The following CLASP1 variants were observed in gnomAD, a reference collection of about 807,000 sequenced individuals.
CLASP1 encodes the protein CLIP-associating protein 1.
In CLASP1, 38 loss-of-function variants were observed where a neutral mutation model predicts 192.3. The ratio of observed to expected loss-of-function variants is 0.20; its 90% CI spans 0.15 to 0.26. The LOEUF (loss-of-function observed/expected upper bound fraction) is 0.26. Ranked by LOEUF, CLASP1 falls within the 10% of genes least tolerant of loss-of-function variation. The probability of loss-of-function intolerance (pLI) is 1.00; values close to 1 mark genes in which losing one functional copy is unlikely to be tolerated. For synonymous variants in CLASP1, 691 were observed against 712.8 expected (o/e 0.97, Z 0.49); for missense variants, 1,433 against 1,932.5 (o/e 0.74, Z 4.85).
intron 8 of CLASP1, among the ~76,000 whole-genome samples, chr2:121,496,169 C>T (rs1358737900): frequency 6.6e-6 from 1 of 152,246 alleles, no homozygotes; most frequent in East Asian, 1.9e-4. Flanking sequence ...CATACACAGT[C>T]ACCATTTATT....
At chr2:121,365,884 G>A (rs1353917577) in intron 35 of CLASP1, among the ~76,000 whole-genome samples, 4 of 152,172 alleles carry the variant, frequency 2.6e-5, no homozygotes, top group African/African-American at 7.2e-5. Flanking sequence ...ACTCAACATA[G>A]TTACCTGCAG....
chr2:121,423,825 G>C (rs1172677504), intron 22 of CLASP1, among the ~76,000 whole-genome samples: 3 of 152,158 alleles, frequency 2.0e-5, no homozygotes, highest in Non-Finnish European at 4.4e-5. Flanking sequence ...ACTTGCTTTG[G>C]AAATAGGATT....
intron 1 of CLASP1, among the ~76,000 whole-genome samples, chr2:121,612,363 G>A (rs1362721560): frequency 6.6e-6 from 1 of 151,622 alleles, no homozygotes; most frequent in African/African-American, 2.4e-5. Flanking sequence ...AGGAATTATA[G>A]GAGAAAGAGG....
intron 2 of CLASP1, among the ~76,000 whole-genome samples, chr2:121,560,465 A>G (rs1026056175): frequency 6.6e-6 from 1 of 152,252 alleles, no homozygotes; most frequent in Non-Finnish European, 1.5e-5. Flanking sequence ...GAAAGCCACA[A>G]TTAAAACAAT....
intron 22 of CLASP1, 50 bp from the exon 23 acceptor site, chr2:121,418,779 G>T: frequency 7.9e-7 from 1 of 1,272,820 alleles, no homozygotes; most frequent in Non-Finnish European, 1.1e-6. Flanking sequence ...GTTTAATGAA[G>T]ACAGATAAAC....
Position 121,423,199 on chromosome 2 carries a change from A to G in CLASP1, c.2212+1940T>C, listed in dbSNP as rs190347926. Among the ~76,000 whole-genome samples, 273 of 152,082 alleles carry G rather than the reference A, an allele frequency of 1.8e-3. 3 individuals carry two copies. The highest frequency in any genetic ancestry group is 2.9e-4 in the Non-Finnish European group (20 of 67,948). On this transcript the variant is annotated intron_variant, in intron 22 of 39. Transcript: ENST00000263710. ...GAAAATATCTTCTTTAATATAAACTATATGTATGACCTCAAAGCTCTACAC... is the reference window on the plus strand; with the variant it reads ...GAAAATATCTTCTTTAATATAAACTGTATGTATGACCTCAAAGCTCTACAC...
chr2:121,478,895 A>ACACAC (rs1559369113), intron 8 of CLASP1, among the ~76,000 whole-genome samples: 7 of 61,802 alleles, frequency 1.1e-4, no homozygotes, highest in South Asian at 6.2e-4. Context: ...CACCACACAC[A>ACACAC]CACACCACAC....
exon 34 of CLASP1, chr2:121,377,575 A>G: frequency 6.3e-7 from 1 of 1,597,108 alleles, no homozygotes. Flanking sequence ...AAACTTTTCA[A>G]TGGCTTCTGT....
chr2:121,423,761 T>C (rs2079934318), intron 22 of CLASP1, among the ~76,000 whole-genome samples: 1 of 152,222 alleles, frequency 6.6e-6, no homozygotes, highest in Non-Finnish European at 1.5e-5. Context: ...CACTACGCAA[T>C]GCCAATAAAA....
At chr2:121,592,472 T>C (rs2062521914) in intron 2 of CLASP1, among the ~76,000 whole-genome samples, 2 of 152,222 alleles carry the variant, frequency 1.3e-5, no homozygotes, top group South Asian at 4.1e-4. Flanking sequence ...CTTTTTGTGA[T>C]AACTATCAAA....
chr2:121,436,320 C>T (rs953501833), intron 19 of CLASP1, among the ~76,000 whole-genome samples: 3 of 151,966 alleles, frequency 2.0e-5, no homozygotes, highest in African/African-American at 4.8e-5. Context: ...CGTGAGCCAC[C>T]GTACCTGGCC....
chr2:121,602,381 G>GAC (rs1368265972), intron 2 of CLASP1, among the ~76,000 whole-genome samples: 1 of 152,008 alleles, frequency 6.6e-6, no homozygotes, highest in African/African-American at 2.4e-5. Flanking sequence ...TAGTTAAAAT[G>GAC]ACAATAGCAA....
chr2:121,566,072 C>T (rs1301811770), intron 2 of CLASP1, among the ~76,000 whole-genome samples: 1 of 152,212 alleles, frequency 6.6e-6, no homozygotes, highest in East Asian at 1.9e-4. Flanking sequence ...CTCCAGCACC[C>T]TTCTCACATT....
intron 8 of CLASP1, among the ~76,000 whole-genome samples, chr2:121,473,148 A>C (rs2091052110): frequency 6.6e-6 from 1 of 151,440 alleles, no homozygotes; most frequent in Admixed American, 6.6e-5. Flanking sequence ...AGGGGCAAAA[A>C]AATCAGAAAA....
chr2:121,471,107 A>G (rs7576313), intron 8 of CLASP1, among the ~76,000 whole-genome samples: 38,183 of 152,010 alleles, frequency 0.25, 7,644 homozygotes, highest in African/African-American at 0.55. Flanking sequence ...ACATAGCAAG[A>G]TCCTGTCTCT....
At chr2:121,339,063 C>A (rs763308712) in exon 40 of CLASP1, 3 of 152,580 alleles carry the variant, frequency 2.0e-5, no homozygotes, top group Non-Finnish European at 2.9e-5. Context: ...ACGCGTCCCT[C>A]AAGTTCCCTA....
intron 1 of CLASP1, among the ~76,000 whole-genome samples, chr2:121,644,730 C>A (rs2072826852): frequency 6.6e-6 from 1 of 152,070 alleles, no homozygotes; most frequent in South Asian, 2.1e-4. Context: ...ATCACTTGAG[C>A]CCAGCAGTTC....
intron 4 of CLASP1, among the ~76,000 whole-genome samples, chr2:121,528,418 G>A (rs1475482522): frequency 6.6e-6 from 1 of 152,212 alleles, no homozygotes; most frequent in Non-Finnish European, 1.5e-5. Flanking sequence ...ATGAGCTGAA[G>A]AGTCTAATGG....
chr2:121,405,980 G>A (rs189136576), intron 25 of CLASP1, among the ~76,000 whole-genome samples: 3 of 152,270 alleles, frequency 2.0e-5, no homozygotes, highest in East Asian at 1.9e-4. Flanking sequence ...ATCTATGACC[G>A]TTAACTTATC....
Sources: gnomAD v4.1 joint callset for allele counts (sites outside exome capture counted in the v4.1 genomes callset) on GRCh38, gnomAD v4.1.1 for gene constraint, MANE v1.5 for transcripts, NCBI Gene and HGNC (gene_info 2026-07-23, HGNC 2026-07-21) for gene names.